Variants in RBFOX1 observed in about 807,000 individuals in gnomAD.
The protein encoded by RBFOX1 is RNA binding fox-1 homolog 1.
Under a neutral mutation model 57.7 loss-of-function variants are expected in RBFOX1, and 8 were observed. The ratio of observed to expected loss-of-function variants is 0.14; its 90% CI spans 0.08 to 0.25. RBFOX1 has a LOEUF of 0.25. RBFOX1 is among the 10% of genes least tolerant of loss of function. RBFOX1 has a pLI of 1.00. For synonymous variants in RBFOX1, 326 were observed against 222.4 expected (o/e 1.47, Z -4.15); for missense variants, 611 against 548.5 (o/e 1.11, Z -1.14).
chr16:7,381,970 TG>T (rs1452063032), intron 4 of RBFOX1, among the ~76,000 whole-genome samples: 32 of 152,316 alleles, frequency 2.1e-4, no homozygotes, highest in African/African-American at 7.0e-4. Flanking sequence ...GGGGATGAAA[TG>T]TTTCTCCCTT....
intron 3 of RBFOX1, among the ~76,000 whole-genome samples, chr16:5,753,540 C>G (rs916097389): frequency 2.0e-5 from 3 of 152,166 alleles, no homozygotes; most frequent in African/African-American, 4.8e-5. Context: ...TATAGGACCT[C>G]TCCTCCAGTG....
chr16:7,195,736 A>G (rs2086538944), intron 4 of RBFOX1, among the ~76,000 whole-genome samples: 1 of 152,098 alleles, frequency 6.6e-6, no homozygotes, highest in African/African-American at 2.4e-5. Context: ...TATTTTTAGT[A>G]GAAACGGGAT....
intron 10 of RBFOX1, among the ~76,000 whole-genome samples, chr16:7,628,900 A>G (rs889845714): frequency 3.3e-5 from 5 of 152,222 alleles, no homozygotes; most frequent in African/African-American, 7.2e-5. Context: ...GGCATGAGCC[A>G]CTACACCTGG....
intron 1 of RBFOX1, among the ~76,000 whole-genome samples, chr16:6,248,934 G>A (rs903009578): frequency 2.0e-5 from 3 of 152,142 alleles, no homozygotes; most frequent in Admixed American, 1.3e-4. Flanking sequence ...CATTGTCTGG[G>A]TGCTTTCTAT....
chr16:7,217,404 C>T (rs2092288195), intron 4 of RBFOX1, among the ~76,000 whole-genome samples: 1 of 144,018 alleles, frequency 6.9e-6, no homozygotes, highest in Admixed American at 7.4e-5. Flanking sequence ...GCTGGGATTA[C>T]AGGCATGAAC....
intron 3 of RBFOX1, among the ~76,000 whole-genome samples, chr16:5,819,953 A>G (rs117781524): frequency 6.6e-6 from 1 of 151,828 alleles, no homozygotes; most frequent in African/African-American, 2.4e-5. Context: ...GTCGCATCCC[A>G]CTCTGTTGAG....
At chr16:6,723,799 T>A (rs1409589171) in intron 3 of RBFOX1, 1 of 152,074 alleles carries the variant, frequency 6.6e-6, no homozygotes, top group African/African-American at 2.4e-5. Flanking sequence ...TGGAGAGTCT[T>A]CCAGCTACGT....
intron 4 of RBFOX1, among the ~76,000 whole-genome samples, chr16:7,080,615 A>G (rs547303915): frequency 6.6e-6 from 1 of 152,146 alleles, no homozygotes; most frequent in African/African-American, 2.4e-5. Context: ...TTCATGGTCC[A>G]TGTTCTCTTG....
chr16:7,400,080 C>A (rs2098215540), intron 4 of RBFOX1, among the ~76,000 whole-genome samples: 1 of 152,096 alleles, frequency 6.6e-6, no homozygotes, highest in Non-Finnish European at 1.5e-5. Flanking sequence ...AGGGGAAGAC[C>A]ATTTTTCTTA....
At chr16:6,341,380 G>A (rs921326689) in intron 2 of RBFOX1, among the ~76,000 whole-genome samples, 2 of 152,066 alleles carry the variant, frequency 1.3e-5, no homozygotes, top group African/African-American at 4.8e-5. Flanking sequence ...TTGTATAGGA[G>A]ATGAGTAAAA....
intron 4 of RBFOX1, among the ~76,000 whole-genome samples, chr16:7,097,054 A>G (rs903387713): frequency 3.3e-5 from 5 of 152,100 alleles, no homozygotes; most frequent in Admixed American, 1.3e-4. Flanking sequence ...GATGCCTCCT[A>G]TACAAATAAA....
intron 4 of RBFOX1, among the ~76,000 whole-genome samples, chr16:5,888,115 C>G (rs867675963): frequency 2.0e-5 from 3 of 152,204 alleles, no homozygotes; most frequent in Non-Finnish European, 4.4e-5. Flanking sequence ...AGACCACTTT[C>G]CACTTGCTCA....
intron 4 of RBFOX1, among the ~76,000 whole-genome samples, chr16:7,172,958 C>T (rs980702180): frequency 6.6e-6 from 1 of 152,122 alleles, no homozygotes; most frequent in African/African-American, 2.4e-5. Context: ...AATTTGCCCC[C>T]TCAGTATGGT....
chr16:7,397,042 C>T (rs949578836), intron 4 of RBFOX1, among the ~76,000 whole-genome samples: 5 of 152,148 alleles, frequency 3.3e-5, no homozygotes, highest in Admixed American at 2.0e-4. Flanking sequence ...TTTAGGAGAA[C>T]GTGAGGTCTA....
At chr16:7,460,389 A>ATATATGTGTGTGTG in intron 4 of RBFOX1, among the ~76,000 whole-genome samples, 2 of 87,258 alleles carry the variant, frequency 2.3e-5, no homozygotes, top group African/African-American at 1.3e-4. Context: ...ATATATATAT[A>ATATATGTGTGTGTG]TGTGTGTGTG....
chr16:7,148,366 A>G (rs145783031), intron 4 of RBFOX1, among the ~76,000 whole-genome samples: 22 of 152,330 alleles, frequency 1.4e-4, no homozygotes, highest in African/African-American at 4.3e-4. Flanking sequence ...GGCCATTATC[A>G]TATTAATTTT....
chr16:7,163,265 C>A (rs375084498), intron 4 of RBFOX1, among the ~76,000 whole-genome samples: 2 of 152,012 alleles, frequency 1.3e-5, no homozygotes, highest in Non-Finnish European at 2.9e-5. Context: ...TTGATTTGGA[C>A]GAAGGGGCAG....
At chr16:6,752,095 G>A (rs755628920) in intron 3 of RBFOX1, among the ~76,000 whole-genome samples, 25 of 152,038 alleles carry the variant, frequency 1.6e-4, no homozygotes, top group Non-Finnish European at 3.2e-4. Context: ...CATCTACTCC[G>A]GTGACCCACT....
intron 1 of RBFOX1, among the ~76,000 whole-genome samples, chr16:6,021,212 T>A (rs2095068786): frequency 6.6e-6 from 1 of 152,172 alleles, no homozygotes; most frequent in Non-Finnish European, 1.5e-5. Flanking sequence ...GATTGTTTAT[T>A]TTTATTTTTA....
Sources: allele counts gnomAD v4.1 joint callset (sites outside exome capture counted in the v4.1 genomes callset), GRCh38; gene constraint gnomAD v4.1.1; transcripts MANE v1.5; gene names NCBI Gene and HGNC (gene_info 2026-07-23, HGNC 2026-07-21).